CLPTM1L: variants seen among roughly 807,000 people sequenced by gnomAD.
CLPTM1L encodes CLPTM1 like, also known as lipid scramblase CLPTM1L.
Under a neutral mutation model 70.9 loss-of-function variants are expected in CLPTM1L, and 38 were observed. The observed-to-expected ratio is 0.54, with a 90% confidence interval of 0.41 to 0.70. CLPTM1L has a LOEUF of 0.70. Among genes scored for constraint, CLPTM1L ranks in the 30% least tolerant of loss-of-function variants. The pLI, the probability that CLPTM1L is intolerant of heterozygous loss-of-function variation, is 0.00. For synonymous variants in CLPTM1L, 339 were observed against 299.9 expected (o/e 1.13, Z -1.35); for missense variants, 652 against 705.9 (o/e 0.92, Z 0.87).
In CLPTM1L at chr5:1,330,916, A is replaced by AG. The variant is rs199708649; in HGVS notation, c.977-534dup. The AG allele has an allele frequency of 9.1e-3, 1,408 of 154,122 alleles. 10 individuals carry two copies. Among genetic ancestry groups the AG allele is most frequent in the Non-Finnish European group, 0.015 (1,021 of 69,336 alleles). 9.5% of individuals were successfully genotyped at this position (154,122 alleles called of 1,614,324 possible). The stretch of plus-strand genomic sequence containing the variant: ...GCTGGCCACTCCAACCCAGGACGCC[A>AG]GGAAAGGCATTAGGGTTAGGAGACA... On this transcript the variant is annotated intron_variant, in intron 8 of 16. Transcript: ENST00000320895.
chr5:1,324,521 C>G lies in CLPTM1L; in HGVS notation c.1197+242G>C, dbSNP rs150155360. ...GTGACTTACAAACGATGAAAATATC[C>G]CTACTATACGGTGACACAGGCAGGC... On this transcript the variant is annotated intron_variant, in intron 11 of 16. Coordinates refer to ENST00000320895, the MANE Select transcript of CLPTM1L (RefSeq NM_030782.5). Among the ~76,000 whole-genome samples the G allele has an allele frequency of 1.7e-4, 26 of 152,352 alleles. No homozygotes were observed. The East Asian group carries it at 4.6e-3, about 27-fold the overall frequency.
At chr5:1,326,025 G>A in intron 9 of CLPTM1L, 1 of 564,768 alleles carries the variant, frequency 1.8e-6, no homozygotes, top group Non-Finnish European at 3.2e-6. Flanking sequence ...CTGGTCAGGT[G>A]GGCTGCACAG....
chr5:1,341,742 T>A lies in CLPTM1L; in HGVS notation c.382A>T (p.Ser128Cys), dbSNP rs758506875. ...GGGACCATGTAGGTGGTCAGAGGAC[T>A]GACCAGGTGCACCTGCTTCCCGTCG... ...WHDGKQVHLV[S>C]PLTTYMVPKP... Residue 128 changes from serine (S) to cysteine (C), a missense_variant, in exon 3 of 17, where the codon AGT (serine) becomes TGT (cysteine). Physicochemically the swap from Ser to Cys is moderately radical, Grantham distance 112 (BLOSUM62 -1). Transcript: ENST00000320895. The A allele has an allele frequency of 6.8e-6, 11 of 1,614,096 alleles. No individual in the cohort carries two copies. The Admixed American group carries it at 1.8e-4, about 27-fold the overall frequency.
intron 9 of CLPTM1L, among the ~76,000 whole-genome samples, chr5:1,329,214 T>C (rs1752903654): frequency 1.3e-5 from 2 of 152,244 alleles, no homozygotes; most frequent in South Asian, 4.1e-4. Flanking sequence ...GGCTCCCTTT[T>C]GGCCGGCTTT....
intron 3 of CLPTM1L, among the ~76,000 whole-genome samples, chr5:1,339,209 C>T (rs1335834740): frequency 2.0e-5 from 3 of 147,990 alleles, no homozygotes; most frequent in African/African-American, 5.0e-5. Flanking sequence ...AGCACCCTAA[C>T]CTGTGAAGAG....
rs945899874 is a variant in CLPTM1L at position 1,345,001 on chromosome 5, C to T, written c.-160G>A. ...GAACGAATGCGCCGCGCGCCGCAGA[C>T]CGCCGGCCGCCCCGCATGCTCCGGC... On this transcript the variant is annotated 5_prime_UTR_variant, in exon 1 of 17. Transcript: ENST00000320895. 23 of 240,408 alleles carry T rather than the reference C, an allele frequency of 9.6e-5. No individual in the cohort carries two copies. The highest frequency in any genetic ancestry group is 7.3e-4 in the East Asian group (4 of 5,474). 14.9% of individuals were successfully genotyped at this position (240,408 alleles called of 1,614,324 possible). A position where few individuals can be genotyped will look rare whatever the true frequency, so the allele number is the denominator to read the frequency against.
At chr5:1,335,539 T>C (rs533545518) in intron 5 of CLPTM1L, among the ~76,000 whole-genome samples, 1 of 152,380 alleles carries the variant, frequency 6.6e-6, no homozygotes, top group South Asian at 2.1e-4. Context: ...CATACGGCGC[T>C]GAGCTTGGCC....
intron 9 of CLPTM1L, among the ~76,000 whole-genome samples, chr5:1,328,574 C>G (rs1752812179): frequency 1.3e-5 from 2 of 151,362 alleles, no homozygotes; most frequent in African/African-American, 4.9e-5. Flanking sequence ...TTTCATCCAG[C>G]TCCTCCTCTA....
At chr5:1,333,809 G>T (rs1035905557) in intron 7 of CLPTM1L, among the ~76,000 whole-genome samples, 3 of 134,644 alleles carry the variant, frequency 2.2e-5, no homozygotes, top group Non-Finnish European at 4.8e-5. Flanking sequence ...TCGGGTAAGG[G>T]GGAACTACTG....
intron 13 of CLPTM1L, among the ~76,000 whole-genome samples, chr5:1,322,231 C>A (rs1752199346): frequency 1.3e-5 from 2 of 152,190 alleles, no homozygotes; most frequent in Non-Finnish European, 2.9e-5. Flanking sequence ...CAGGCCCTCG[C>A]CCTTAATGCT....
chr5:1,323,445 C>T (rs1030411900), intron 12 of CLPTM1L, among the ~76,000 whole-genome samples: 4 of 149,752 alleles, frequency 2.7e-5, no homozygotes, highest in African/African-American at 9.8e-5. Flanking sequence ...CAACACCCCA[C>T]CCAGGCAGCA....
At chr5:1,331,543 G>A (rs929483254) in intron 8 of CLPTM1L, 11 of 567,558 alleles carry the variant, frequency 1.9e-5, no homozygotes, top group African/African-American at 1.7e-4. Context: ...CCCCATGCAC[G>A]CCAGAGTCCG....
rs984353011 is a variant in CLPTM1L at position 1,329,002 on chromosome 5, C to T, written c.1080+1278G>A. Among the ~76,000 whole-genome samples the T allele has an allele frequency of 1.1e-4, 17 of 151,630 alleles. No individual in the cohort carries two copies. The South Asian group carries it at 3.5e-3, about 31-fold the overall frequency. On this transcript the variant is annotated intron_variant, in intron 9 of 16. Coordinates refer to ENST00000320895, the MANE Select transcript of CLPTM1L (RefSeq NM_030782.5). ...CAGCTCCTCCTCTACAGAGACATTG[C>T]ATCCAGCTCCTCCTCTACAGGCATG...
rs576447633 is a variant in CLPTM1L, at chr5:1,317,928, C to G, written c.*441G>C. ...ATACATTAAGCTTTAAAACAACCAACTCTCAAACAAAAGAGGAAAGAGCCT... is the reference window on the plus strand; with the variant it reads ...ATACATTAAGCTTTAAAACAACCAAGTCTCAAACAAAAGAGGAAAGAGCCT... On this transcript the variant is annotated 3_prime_UTR_variant, in exon 17 of 17. Transcript: ENST00000320895. 6.1e-6 allele frequency: 1 copy of G among 163,228 alleles called. No individual in the cohort carries two copies. The highest frequency in any genetic ancestry group is 2.0e-4 in the South Asian group (1 of 4,944). 10.1% of individuals were successfully genotyped at this position (163,228 alleles called of 1,614,324 possible).
At chr5:1,343,774 G>A (rs1397951557) in intron 2 of CLPTM1L, among the ~76,000 whole-genome samples, 14 of 152,126 alleles carry the variant, frequency 9.2e-5, no homozygotes, top group Non-Finnish European at 4.4e-5. Flanking sequence ...TACCTCCCAG[G>A]CAATGAAGGG....
chr5:1,326,209 C>T (rs937176391), intron 9 of CLPTM1L: 4 of 263,270 alleles, frequency 1.5e-5, no homozygotes, highest in Non-Finnish European at 2.9e-5. Context: ...AAGGCATCAC[C>T]CACGGAGCTC....
intron 9 of CLPTM1L, 195 bp from the exon 10 acceptor site, chr5:1,326,011 G>A (rs1752512250): frequency 1.2e-5 from 7 of 574,076 alleles, no homozygotes; most frequent in African/African-American, 5.6e-5. Flanking sequence ...CACGGCAGGC[G>A]TACCTGGTCA....
chr5:1,341,858 G>A lies in CLPTM1L; in HGVS notation c.266C>T (p.Thr89Ile). 1 of 1,608,562 alleles carries A rather than the reference G, an allele frequency of 6.2e-7. No homozygotes were observed. Among genetic ancestry groups the A allele is most frequent in the African/African-American group, 1.3e-5 (1 of 74,946 alleles). The change falls in exon 3 of 17, where the codon ACA (threonine) becomes ATA (isoleucine). Residue 89 changes from threonine (T) to isoleucine (I), a missense_variant and splice_region_variant. Physicochemically the swap from Thr to Ile is moderately conservative, Grantham distance 89 (BLOSUM62 -1). Coordinates refer to ENST00000320895, the MANE Select transcript of CLPTM1L (RefSeq NM_030782.5). ...TTTCTTTGGTACAGAAACATTAACT[G>A]TCCTGAAACAGAACAATCATTTCCA... ...DFDVESKFER[T>I]VNVSVPKKTR...
chr5:1,344,242 A>T, intron 2 of CLPTM1L, 109 bp downstream of exon 2: 1 of 768,796 alleles, frequency 1.3e-6, no homozygotes, highest in Non-Finnish European at 2.3e-6. Flanking sequence ...GACATTCGGT[A>T]AGACTAGTTC....
Sources: allele counts gnomAD v4.1 joint callset (sites outside exome capture counted in the v4.1 genomes callset), GRCh38; gene constraint gnomAD v4.1.1; transcripts MANE v1.5; gene names NCBI Gene and HGNC (gene_info 2026-07-23, HGNC 2026-07-21).